Variants in PCSK2 observed in about 807,000 individuals in gnomAD.
The protein encoded by PCSK2 is proprotein convertase subtilisin/kexin type 2.
Under a neutral mutation model 69.7 loss-of-function variants are expected in PCSK2, and 14 were observed. That is an observed-to-expected ratio of 0.20 (90% CI 0.13 to 0.31). The LOEUF is 0.31. PCSK2 is among the 10% of genes least tolerant of loss of function. The pLI is 1.00. For missense variants in PCSK2, 544 were observed against 842.5 expected, an observed-to-expected ratio of 0.65 and a Z score of 4.39; for synonymous variants, 307 against 320.7, an observed-to-expected ratio of 0.96 and a Z score of 0.46.
chr20:17,334,428 A>G (rs1458582337), intron 2 of PCSK2, among the ~76,000 whole-genome samples: 11 of 152,254 alleles, frequency 7.2e-5, no homozygotes, highest in Non-Finnish European at 2.9e-5. Flanking sequence ...GGTATGCCAC[A>G]TAATTCCCAC....
At chr20:17,338,729 G>A (rs1990429052) in intron 2 of PCSK2, among the ~76,000 whole-genome samples, 1 of 152,116 alleles carries the variant, frequency 6.6e-6, no homozygotes, top group South Asian at 2.1e-4. Context: ...GGAGAGGGAT[G>A]GTACTAGGAG....
At chr20:17,374,208 C>A (rs2030856961) in intron 5 of PCSK2, among the ~76,000 whole-genome samples, 1 of 152,124 alleles carries the variant, frequency 6.6e-6, no homozygotes, top group African/African-American at 2.4e-5. Flanking sequence ...GAGAAGTCGG[C>A]AGGTCAGTAA....
chr20:17,393,982 CA>C (rs754658050), intron 5 of PCSK2, among the ~76,000 whole-genome samples: 56 of 152,162 alleles, frequency 3.7e-4, no homozygotes, highest in Non-Finnish European at 7.3e-5. Flanking sequence ...TACCGAATTC[CA>C]AAGGCAAACA....
intron 6 of PCSK2, among the ~76,000 whole-genome samples, chr20:17,420,535 T>C (rs867162327): frequency 2.0e-5 from 3 of 152,236 alleles, no homozygotes; most frequent in Admixed American, 6.5e-5. Flanking sequence ...ATTTATTATT[T>C]AAATTTTTCC....
intron 5 of PCSK2, among the ~76,000 whole-genome samples, chr20:17,397,356 T>C (rs1438800766): frequency 6.6e-6 from 1 of 152,178 alleles, no homozygotes; most frequent in Non-Finnish European, 1.5e-5. Flanking sequence ...TCAAAAATAA[T>C]TCAGACCGTA....
At chr20:17,420,412 A>C (rs1056351968) in intron 6 of PCSK2, among the ~76,000 whole-genome samples, 3 of 152,260 alleles carry the variant, frequency 2.0e-5, no homozygotes, top group African/African-American at 7.2e-5. Context: ...AGTCGATATT[A>C]GCTCAAAGGT....
Position 17,277,206 on chromosome 20 carries a change from T to G in PCSK2, c.282+16862T>G, listed in dbSNP as rs1297249623. Among the ~76,000 whole-genome samples, 43 of 152,248 alleles carry G rather than the reference T, an allele frequency of 2.8e-4. No homozygotes were observed. The East Asian group carries it at 7.9e-3, about 28-fold the overall frequency. ...CTACCAATGACTTTCTTCACAGAAC[T>G]GGAAAAAACTACTTTAAAGTTTATA... On this transcript the variant is annotated intron_variant, in intron 2 of 11. Coordinates refer to ENST00000262545, the MANE Select transcript of PCSK2 (RefSeq NM_002594.5).
intron 1 of PCSK2, among the ~76,000 whole-genome samples, chr20:17,247,738 C>T (rs1986819328): frequency 2.6e-5 from 4 of 152,246 alleles, no homozygotes; most frequent in Admixed American, 6.5e-5. Context: ...CCCTCTGGAG[C>T]ATCTACAGAT....
chr20:17,233,770 C>T (rs1320200138), intron 1 of PCSK2, among the ~76,000 whole-genome samples: 5 of 152,154 alleles, frequency 3.3e-5, no homozygotes, highest in Admixed American at 3.3e-4. Flanking sequence ...TCTTCATGGG[C>T]TGCAGCAAGA....
intron 5 of PCSK2, among the ~76,000 whole-genome samples, chr20:17,375,707 G>A (rs558681929): frequency 6.6e-5 from 10 of 152,200 alleles, no homozygotes; most frequent in East Asian, 1.9e-4. Context: ...CTTGCACTCC[G>A]TCTTCTAGCT....
chr20:17,455,707 C>T (rs2032907027), intron 9 of PCSK2, among the ~76,000 whole-genome samples: 1 of 152,230 alleles, frequency 6.6e-6, no homozygotes. Flanking sequence ...TCACTTTCCA[C>T]TTCATAATGT....
intron 4 of PCSK2, among the ~76,000 whole-genome samples, chr20:17,360,950 C>T (rs2030371319): frequency 6.6e-6 from 1 of 152,144 alleles, no homozygotes; most frequent in Non-Finnish European, 1.5e-5. Flanking sequence ...GTCCTCTAAA[C>T]TCTTTATATT....
chr20:17,284,227 C>T (rs1317531129), intron 2 of PCSK2, among the ~76,000 whole-genome samples: 1 of 152,188 alleles, frequency 6.6e-6, no homozygotes, highest in Non-Finnish European at 1.5e-5. Flanking sequence ...ATGGAGCTAA[C>T]AGTCAAAGAG....
chr20:17,337,812 C>T (rs1990397567), intron 2 of PCSK2, among the ~76,000 whole-genome samples: 1 of 151,362 alleles, frequency 6.6e-6, no homozygotes, highest in Non-Finnish European at 1.5e-5. Flanking sequence ...GCCTGTAGTC[C>T]CTGCTACTCA....
intron 2 of PCSK2, among the ~76,000 whole-genome samples, chr20:17,327,218 ACGAACAGATCAGATCC>A (rs780968562): frequency 1.3e-5 from 2 of 152,232 alleles, no homozygotes; most frequent in Non-Finnish European, 2.9e-5. Flanking sequence ...TCCTGAGACC[ACGAACAGATCAGATCC>A]CCGACAAATG....
intron 2 of PCSK2, among the ~76,000 whole-genome samples, chr20:17,297,397 A>T (rs992950166): frequency 6.6e-6 from 1 of 152,172 alleles, no homozygotes; most frequent in Non-Finnish European, 1.5e-5. Context: ...GCTATGGTGG[A>T]GTTGCCTGGG....
At chr20:17,294,152 C>T (rs139399274) in intron 2 of PCSK2, among the ~76,000 whole-genome samples, 1,674 of 143,138 alleles carry the variant, frequency 0.012, 32 homozygotes, top group African/African-American at 0.041. Flanking sequence ...TAGCCCAGGC[C>T]GGATTGCAGT....
chr20:17,253,961 T>A (rs1987085999), intron 1 of PCSK2, among the ~76,000 whole-genome samples: 2 of 152,230 alleles, frequency 1.3e-5, no homozygotes, highest in Non-Finnish European at 2.9e-5. Flanking sequence ...CATTCTCTGA[T>A]GTCTAATAAT....
chr20:17,285,228 T>C (rs1202135005), intron 2 of PCSK2, among the ~76,000 whole-genome samples: 1 of 152,226 alleles, frequency 6.6e-6, no homozygotes, highest in Non-Finnish European at 1.5e-5. Flanking sequence ...TATTCATTAT[T>C]TTTCAAAGTT....
Sources: gnomAD v4.1 joint callset for allele counts (sites outside exome capture counted in the v4.1 genomes callset) on GRCh38, gnomAD v4.1.1 for gene constraint, MANE v1.5 for transcripts, NCBI Gene and HGNC (gene_info 2026-07-23, HGNC 2026-07-21) for gene names.